Variants in VWA5B2 observed in about 807,000 individuals in gnomAD.
VWA5B2 encodes the protein von Willebrand factor A domain-containing protein 5B2.
In VWA5B2, 93 loss-of-function variants were observed where a neutral mutation model predicts 118.5. The observed-to-expected ratio is 0.79, with a 90% CI of 0.66 to 0.93. The LOEUF (loss-of-function observed/expected upper bound fraction) is 0.93, where lower values mean the gene tolerates loss of function less well. Ranked by LOEUF, VWA5B2 falls within the 40% of genes least tolerant of loss-of-function variation. The probability of loss-of-function intolerance (pLI) is 0.00; values close to 1 mark genes in which losing one functional copy is unlikely to be tolerated. For missense variants in VWA5B2, 1,546 were observed against 1,672.8 expected (o/e 0.92, Z 1.32); for synonymous variants, 708 against 716.3 (o/e 0.99, Z 0.19).
intron 8 of VWA5B2, 23 bp downstream of exon 8, chr3:184,235,331 C>T: frequency 1.3e-6 from 2 of 1,548,374 alleles, no homozygotes; most frequent in Non-Finnish European, 1.7e-6. Context: ...GTGGTGTGGG[C>T]AGGCCTGGGG....
intron 3 of VWA5B2, among the ~76,000 whole-genome samples, chr3:184,231,598 G>A (rs1021416893): frequency 6.6e-6 from 1 of 152,200 alleles, no homozygotes; most frequent in Non-Finnish European, 1.5e-5. Flanking sequence ...GGGAGTCATT[G>A]TCACAGATCT....
chr3:184,240,059 C>G, intron 16 of VWA5B2, 23 bp downstream of exon 16: 1 of 1,498,524 alleles, frequency 6.7e-7, no homozygotes, highest in Non-Finnish European at 8.9e-7. Context: ...TGGGTCCAGT[C>G]AGGACCCAAA....
chr3:184,237,104 C>A lies in VWA5B2; in HGVS notation c.1534-122C>A. The A allele has an allele frequency of 9.0e-7, 1 of 1,114,880 alleles. No homozygotes were observed. The highest frequency in any genetic ancestry group is 1.3e-6 in the Non-Finnish European group (1 of 786,748). The allele number at this position is 1,114,880 out of a possible 1,614,324, so 69.1% of individuals were successfully genotyped here. A position where few individuals can be genotyped will look rare whatever the true frequency, so the allele number is the denominator to read the frequency against. ...TTCCTTCTCCTGACCCCAGCCTGGCCCTGTGCCCCATCAGCTTAGGGGCTG... is the reference window on the plus strand; with the variant it reads ...TTCCTTCTCCTGACCCCAGCCTGGCACTGTGCCCCATCAGCTTAGGGGCTG... On this transcript the variant is annotated intron_variant, in intron 11 of 19. Coordinates refer to ENST00000691901, the MANE Select transcript of VWA5B2 (RefSeq NM_001390846.1). This position sits in a 1 kb window ranked among gnomAD's most constrained non-coding sequence, Gnocchi z 5.6.
rs1447892026 is a variant in VWA5B2 at position 184,236,752 on chromosome 3, G to A, written c.1533+3G>A. The A allele has an allele frequency of 1.8e-5, 28 of 1,520,000 alleles. No individual in the cohort carries two copies. Among genetic ancestry groups the A allele is most frequent in the Non-Finnish European group, 2.2e-5 (25 of 1,130,132 alleles). 94.2% of individuals were successfully genotyped at this position (1,520,000 alleles called of 1,614,324 possible). On this transcript the variant is annotated splice_donor_region_variant and intron_variant, in intron 11 of 19. Coordinates refer to ENST00000691901, the MANE Select transcript of VWA5B2 (RefSeq NM_001390846.1). ...CTGGGCAGAGGCTGCAGCCCATGGT[G>A]AGCTTGAGCCTGGGCCCTGTTCCCT... is the stretch of plus-strand genomic sequence containing the variant.
chr3:184,229,772 C>T (rs1362598736), intron 1 of VWA5B2, among the ~76,000 whole-genome samples, 59 bp downstream of exon 1: 5 of 152,130 alleles, frequency 3.3e-5, no homozygotes, highest in African/African-American at 7.2e-5. Context: ...CGCGGCATCC[C>T]CTGCGCGGGC....
rs1049396456 is a variant in VWA5B2, at chr3:184,241,122, T to C, written c.2962+15T>C. The C allele has an allele frequency of 3.3e-5, 51 of 1,551,454 alleles. No homozygotes were observed. Among genetic ancestry groups the C allele is most frequent in the African/African-American group, 5.5e-5 (4 of 73,004 alleles). The stretch of plus-strand genomic sequence containing the variant: ...CTACTCTAAAGGTAACACCCAAAGG[T>C]AGGGAAAGGGTAGGGGCACTTGGGC... On this transcript the variant is annotated intron_variant, in intron 18 of 19. Coordinates refer to ENST00000691901, the MANE Select transcript of VWA5B2 (RefSeq NM_001390846.1). This position sits in a 1 kb window ranked among gnomAD's most constrained non-coding sequence, Gnocchi z 5.1.
At position 184,233,306 on chromosome 3, in the gene VWA5B2, G is replaced by T; in HGVS notation, c.439G>T (p.Val147Leu). 1 of 1,537,288 alleles carries T rather than the reference G, an allele frequency of 6.5e-7. No individual in the cohort carries two copies. Among genetic ancestry groups the T allele is most frequent in the African/African-American group, 1.4e-5 (1 of 73,016 alleles). ...SRELPSRPDG[V>L]LHVALPTVLT... ...GGAGCTGCCCTCAAGGCCTGACGGG[G>T]TGCTGCATGTGGCCCTGCCCACTGT... is the stretch of plus-strand genomic sequence containing the variant. Residue 147 changes from valine (V) to leucine (L), a missense_variant, in exon 4 of 20, where the codon GTG becomes TTG. By Grantham distance (32) the Val-to-Leu change is conservative. Around this residue, in one of 3 missense-constraint regions of VWA5B2, gnomAD observed 775 missense variants for 882.3 expected, o/e 0.88. Coordinates refer to ENST00000691901, the MANE Select transcript of VWA5B2 (RefSeq NM_001390846.1). The surrounding 1 kb of genome is among the most constrained non-coding windows in gnomAD (Gnocchi z 5.2).
chr3:184,237,242 G>C lies in VWA5B2; in HGVS notation c.1550G>C (p.Arg517Pro). Residue 517 changes from arginine to proline, a missense_variant, in exon 12 of 20, where the codon CGG (arginine) becomes CCG (proline). Arg to Pro is a moderately radical substitution (Grantham distance 103). Around this residue, in one of 3 missense-constraint regions of VWA5B2, gnomAD observed 775 missense variants for 882.3 expected, o/e 0.88. Coordinates refer to ENST00000691901, the MANE Select transcript of VWA5B2 (RefSeq NM_001390846.1). The surrounding 1 kb of genome is among the most constrained non-coding windows in gnomAD (Gnocchi z 5.6). Reference protein sequence around the residue: ...RLQPMLVQALRKALEPALSDI... With the variant: ...RLQPMLVQALPKALEPALSDI... ...TCCCCACAGCTGGTACAGGCTCTGC[G>C]GAAGGCACTGGAGCCTGCTTTGAGT... 6.4e-7 allele frequency: 1 copy of C among 1,551,426 alleles called. No individual in the cohort carries two copies. The highest frequency in any genetic ancestry group is 8.7e-7 in the Non-Finnish European group (1 of 1,146,950).
Position 184,241,716 on chromosome 3 carries a change from G to C in VWA5B2, c.3407G>C (p.Gly1136Ala). The C allele has an allele frequency of 6.6e-7, 1 of 1,504,094 alleles. No individual in the cohort carries two copies. The highest frequency in any genetic ancestry group is 8.9e-7 in the Non-Finnish European group (1 of 1,128,644). 93.2% of individuals were successfully genotyped at this position (1,504,094 alleles called of 1,614,324 possible). A position where few individuals can be genotyped will look rare whatever the true frequency, so the allele number is the denominator to read the frequency against. The change falls in exon 20 of 20, where the codon GGG (glycine) becomes GCG (alanine). Residue 1136 changes from glycine to alanine, a missense_variant. By Grantham distance (60) the Gly-to-Ala change is moderately conservative. Coordinates refer to ENST00000691901, the MANE Select transcript of VWA5B2 (RefSeq NM_001390846.1). The surrounding 1 kb of genome is among the most constrained non-coding windows in gnomAD (Gnocchi z 5.1). ...CSPSPSSGSE[G>A]PGQVDSGRGS... ...CCGTCCCCCAGCTCGGGCTCTGAGG[G>C]GCCAGGCCAGGTGGACAGTGGGCGG... is the stretch of plus-strand genomic sequence containing the variant.
At chr3:184,232,961 C>T (rs1717547386) in intron 3 of VWA5B2, 1 of 574,188 alleles carries the variant, frequency 1.7e-6, no homozygotes, top group Admixed American at 3.4e-5. Context: ...CACTGCTGCT[C>T]TTGCCTGATG....
rs905853293 is a variant in VWA5B2, at chr3:184,230,654, G to A, written c.126G>A (p.Pro42=). The A allele has an allele frequency of 6.8e-6, 9 of 1,325,904 alleles. No homozygotes were observed. In the East Asian group the frequency reaches 9.5e-5, roughly 14 times the overall value. The allele number at this position is 1,325,904 out of a possible 1,614,324, so 82.1% of individuals were successfully genotyped here. A position where few individuals can be genotyped will look rare whatever the true frequency, so the allele number is the denominator to read the frequency against. Residue 42 remains proline (P), a synonymous_variant, in exon 2 of 20, where the codon CCG becomes CCA. Coordinates refer to ENST00000691901, the MANE Select transcript of VWA5B2 (RefSeq NM_001390846.1). ...GGCTCACCTACCGCAACCCGCAGCC[G>A]CAGCCGGTGGACGGTGAGGCCCGGG... ...RARLTYRNPQ[P]QPVDGVFVYP...
intron 3 of VWA5B2, among the ~76,000 whole-genome samples, chr3:184,231,430 G>A (rs1717391232): frequency 6.6e-6 from 1 of 152,192 alleles, no homozygotes; most frequent in South Asian, 2.1e-4. Context: ...CCAACTCTCT[G>A]CTCTGTCTTT....
rs963879152 is a variant in VWA5B2, at chr3:184,230,918, G to A, written c.310+1G>A. Reference sequence around the variant, plus strand: ...CCGACGCCCCGCCGCTGCGCGCAGGGTGAGTTCCGCGCGCCCGCACCCGCG... The same window carrying A: ...CCGACGCCCCGCCGCTGCGCGCAGGATGAGTTCCGCGCGCCCGCACCCGCG... On this transcript the variant is annotated splice_donor_variant, in intron 3 of 19. Coordinates refer to ENST00000691901, the MANE Select transcript of VWA5B2 (RefSeq NM_001390846.1). LOFTEE classifies it high-confidence loss of function. 4 of 1,214,488 alleles carry A rather than the reference G, an allele frequency of 3.3e-6. No homozygotes were observed. The African/African-American group carries it at 6.3e-5, about 19-fold the overall frequency. 75.2% of individuals were successfully genotyped at this position (1,214,488 alleles called of 1,614,324 possible). A position where few individuals can be genotyped will look rare whatever the true frequency, so the allele number is the denominator to read the frequency against.
chr3:184,237,411 G>A lies in VWA5B2; in HGVS notation c.1719G>A (p.Gly573=). 1 of 1,546,946 alleles carries A rather than the reference G, an allele frequency of 6.5e-7. No homozygotes were observed. The highest frequency in any genetic ancestry group is 1.4e-5 in the African/African-American group (1 of 73,074). Residue 573 remains glycine, a splice_region_variant and synonymous_variant, in exon 12 of 20, where the codon GGG becomes GGA. Transcript: ENST00000691901. The surrounding 1 kb of genome is among the most constrained non-coding windows in gnomAD (Gnocchi z 5.6). ...RVDGFRSRPP[G]GQEPGWQSSG... ...ATGGCTTCCGGTCCCGCCCACCAGG[G>A]GTAAGCTTGGGCTGGGGTGTGGTAG...
In VWA5B2 at chr3:184,241,107, G is replaced by A. The variant is rs1478084917; in HGVS notation, c.2962G>A (p.Gly988Arg). Reference sequence around the variant, plus strand: ...TCTGCCCACTGTTGTCTACTCTAAAGGTAACACCCAAAGGTAGGGAAAGGG... The same window carrying A: ...TCTGCCCACTGTTGTCTACTCTAAAAGTAACACCCAAAGGTAGGGAAAGGG... ...APLPTVVYSK[G>R]LQRGSPAGAW... The change falls in exon 18 of 20, where the codon GGA (glycine) becomes AGA (arginine). Residue 988 changes from glycine (G) to arginine (R), a missense_variant and splice_region_variant. Physicochemically the swap from Gly to Arg is moderately radical, Grantham distance 125. Coordinates refer to ENST00000691901, the MANE Select transcript of VWA5B2 (RefSeq NM_001390846.1). The surrounding 1 kb of genome is among the most constrained non-coding windows in gnomAD (Gnocchi z 5.1). The A allele has an allele frequency of 1.9e-6, 3 of 1,551,598 alleles. No homozygotes were observed. Among genetic ancestry groups the A allele is most frequent in the Non-Finnish European group, 2.6e-6 (3 of 1,147,006 alleles).
At chr3:184,231,041 A>C (rs954538843) in intron 3 of VWA5B2, 124 bp downstream of exon 3, 26 of 1,186,000 alleles carry the variant, frequency 2.2e-5, no homozygotes, top group Admixed American at 1.4e-4. Flanking sequence ...TCATTGGCTC[A>C]TCCTGGTATT....
chr3:184,230,839 C>T lies in VWA5B2; in HGVS notation c.232C>T (p.Arg78Trp). The change falls in exon 3 of 20, where the codon CGG becomes TGG. Residue 78 changes from arginine (R) to tryptophan (W), a missense_variant. Transcript: ENST00000691901. ...GRRVSFQLQS[R>W]RRSQAACCRA... ...GCGCGTCTCCTTCCAGCTGCAGAGC[C>T]GGCGCCGCTCGCAGGCCGCCTGCTG... The T allele has an allele frequency of 1.7e-5, 21 of 1,246,506 alleles. No homozygotes were observed. Among genetic ancestry groups the T allele is most frequent in the Non-Finnish European group, 2.1e-5 (21 of 995,782 alleles). 77.2% of individuals were successfully genotyped at this position (1,246,506 alleles called of 1,614,324 possible). A position where few individuals can be genotyped will look rare whatever the true frequency, so the allele number is the denominator to read the frequency against.
Position 184,236,351 on chromosome 3 carries a change from G to T in VWA5B2, c.1221G>T (p.Val407=), listed in dbSNP as rs778106714. 2.1e-5 allele frequency: 33 copies of T among 1,547,600 alleles called. 1 individual carries two copies. The Middle Eastern group carries it at 3.5e-3, about 165-fold the overall frequency. Residue 407 remains valine (V), a synonymous_variant, in exon 10 of 20, where the codon GTG becomes GTT. Coordinates refer to ENST00000691901, the MANE Select transcript of VWA5B2 (RefSeq NM_001390846.1). The part of the protein sequence containing the change: ...PESRPCSDDA[V]QLICESIETL... ...GTGCCTTCTCGCTCCAGGATGCTGT[G>T]CAGCTGATCTGCGAGAGCATTGAGA...
At chr3:184,235,376 G>A in intron 8 of VWA5B2, 68 bp downstream of exon 8, 4 of 1,502,068 alleles carry the variant, frequency 2.7e-6, no homozygotes, top group Non-Finnish European at 3.6e-6. Context: ...GAGGGCTGGG[G>A]GCAGCCTCTT....
Sources: gnomAD v4.1 joint callset for allele counts (sites outside exome capture counted in the v4.1 genomes callset) on GRCh38, gnomAD v4.1.1 for gene constraint, gnomAD v4.1.1 regional missense constraint, Gnocchi (gnomAD v3.1) non-coding constraint, MANE v1.5 for transcripts, NCBI Gene and HGNC (gene_info 2026-07-23, HGNC 2026-07-21) for gene names.